Variants in ZNF343 observed in about 807,000 individuals in gnomAD.
The protein encoded by ZNF343 is zinc finger protein 343.
Under a neutral mutation model 13.8 loss-of-function variants are expected in ZNF343, and 11 were observed. The ratio of observed to expected loss-of-function variants is 0.80; its 90% confidence interval spans 0.50 to 1.32. The LOEUF (loss-of-function observed/expected upper bound fraction) is 1.32. ZNF343 is among the 40% of genes most tolerant of loss of function. The pLI is 0.00. For missense variants in ZNF343, 658 were observed against 714.2 expected, an observed-to-expected ratio of 0.92 and a Z score of 0.90; for synonymous variants, 248 against 260.0, an observed-to-expected ratio of 0.95 and a Z score of 0.44.
rs1318593935 is a variant in ZNF343, at chr20:2,508,149, G to C, written c.-237+732C>G. On this transcript the variant is annotated intron_variant, in intron 1 of 5. Transcript: ENST00000278772. The surrounding 1 kb of genome is among the most constrained non-coding windows in gnomAD (Gnocchi z 4.5). The stretch of plus-strand genomic sequence containing the variant: ...AAGAGCTGCCTAGATGCCTGTCAGA[G>C]TGATACAGCCCACCACTATCAGAGG... Among the ~76,000 whole-genome samples, 1 of 152,070 alleles carries C rather than the reference G, an allele frequency of 6.6e-6. No individual in the cohort carries two copies. Among genetic ancestry groups the C allele is most frequent in the African/African-American group, 2.4e-5 (1 of 41,386 alleles).
At chr20:2,507,999 T>G (rs1291643591) in intron 1 of ZNF343, among the ~76,000 whole-genome samples, 8 of 149,936 alleles carry the variant, frequency 5.3e-5, no homozygotes, top group African/African-American at 1.7e-4. Flanking sequence ...AGGAAAGGAG[T>G]CAGCCAGACG....
intron 2 of ZNF343, among the ~76,000 whole-genome samples, chr20:2,498,213 G>A (rs953053607): frequency 2.5e-4 from 38 of 152,106 alleles, no homozygotes; most frequent in African/African-American, 8.2e-4. Context: ...AAAATTAGCC[G>A]GGCGTGGTGG....
intron 2 of ZNF343, among the ~76,000 whole-genome samples, chr20:2,500,120 G>GGGA (rs1466786582): frequency 6.6e-6 from 1 of 151,880 alleles, no homozygotes; most frequent in African/African-American, 2.4e-5. Flanking sequence ...AAAATGAGGA[G>GGGA]GTGGGGGGCT....
chr20:2,485,518 G>A lies in ZNF343; in HGVS notation c.305-862C>T, dbSNP rs147908612. ...AACACTGGAATCTTTATAATCAACT[G>A]TATCTGTCCTTAAAAACTCATCCTA... is the stretch of plus-strand genomic sequence containing the variant. On this transcript the variant is annotated intron_variant, in intron 5 of 5. Transcript: ENST00000278772. Among the ~76,000 whole-genome samples, 318 of 152,284 alleles carry A rather than the reference G, an allele frequency of 2.1e-3. 2 individuals carry two copies. Among genetic ancestry groups the A allele is most frequent in the Middle Eastern group, 0.01 (3 of 292 alleles).
chr20:2,518,083 G>A lies in ZNF343; in HGVS notation c.-347+6372C>T, dbSNP rs191482962. Among the ~76,000 whole-genome samples the A allele has an allele frequency of 5.0e-3, 748 of 149,782 alleles. 4 individuals carry two copies. Among genetic ancestry groups the A allele is most frequent in the African/African-American group, 0.012 (503 of 40,618 alleles). ...GGCTGGAGTGCAGTGGCTCGATCTCGGCTCACTGTAACCTCTGCCTCCCAG... is the reference window on the plus strand; with the variant it reads ...GGCTGGAGTGCAGTGGCTCGATCTCAGCTCACTGTAACCTCTGCCTCCCAG... On this transcript the variant is annotated intron_variant, in intron 1 of 6. Coordinates refer to the ZNF343 transcript ENST00000358413. This position sits in a 1 kb window ranked among gnomAD's most constrained non-coding sequence, Gnocchi z 4.6.
chr20:2,523,363 C>T lies in ZNF343; in HGVS notation c.-347+1092G>A, dbSNP rs369780043. ...ATAGTCAGTCCGGCAGCCCATGCCA[C>T]TGCTATGCCTATGGAGTGGCCACTC... On this transcript the variant is annotated intron_variant, in intron 1 of 6. Coordinates refer to the ZNF343 transcript ENST00000358413. 8.6e-5 allele frequency among the ~76,000 whole-genome samples: 13 copies of T among 151,960 alleles called. No homozygotes were observed. In the East Asian group the frequency reaches 1.2e-3, roughly 14 times the overall value.
At chr20:2,524,708 A>T (rs547818021), upstream of ZNF343, 1 of 152,480 alleles carries the variant, frequency 6.6e-6, no homozygotes, top group East Asian at 1.9e-4. Flanking sequence ...AAAGGAAGCC[A>T]GGTGCAGGGA....
chr20:2,484,789 G>A, intron 5 of ZNF343, 133 bp from the exon 6 acceptor site: 1 of 761,922 alleles, frequency 1.3e-6, no homozygotes, highest in South Asian at 2.2e-5. Flanking sequence ...ATTTGCTTCT[G>A]AACAATGATT....
intron 1 of ZNF343, among the ~76,000 whole-genome samples, chr20:2,502,179 T>C (rs2085578863): frequency 6.6e-6 from 1 of 151,828 alleles, no homozygotes; most frequent in African/African-American, 2.4e-5. Flanking sequence ...CAAGCCTCAG[T>C]AGCCGACTTG....
intron 1 of ZNF343, among the ~76,000 whole-genome samples, chr20:2,505,601 T>C (rs1360104065): frequency 6.6e-6 from 1 of 152,076 alleles, no homozygotes; most frequent in South Asian, 2.1e-4. Flanking sequence ...GAGATATAGA[T>C]CAATGGAACA....
At position 2,502,549 on chromosome 20, in the gene ZNF343, G is replaced by A. The variant is rs531190327; in HGVS notation, c.-236-1807C>T. On this transcript the variant is annotated intron_variant, in intron 1 of 5. Coordinates refer to ENST00000278772, the MANE Select transcript of ZNF343 (RefSeq NM_024325.6). ...GTTGAAATGAAGGAAAAAATGTTAA[G>A]GGCAGCCAGAGAGAAAGGTCGGGTT... Among the ~76,000 whole-genome samples the A allele has an allele frequency of 1.1e-3, 168 of 152,194 alleles. 1 individual carries two copies. The highest frequency in any genetic ancestry group is 1.6e-3 in the Non-Finnish European group (106 of 68,006).
chr20:2,495,677 C>CT (rs2085446711), intron 2 of ZNF343, among the ~76,000 whole-genome samples: 1 of 138,850 alleles, frequency 7.2e-6, no homozygotes, highest in African/African-American at 2.7e-5. Flanking sequence ...TTTTTTTTTT[C>CT]TTTTTTCTTT....
At position 2,500,705 on chromosome 20, in the gene ZNF343, C is replaced by A. The variant is rs896300876; in HGVS notation, c.-199G>T. The A allele has an allele frequency of 6.6e-6, 1 of 152,274 alleles. No individual in the cohort carries two copies. The highest frequency in any genetic ancestry group is 2.1e-4 in the South Asian group (1 of 4,824). 9.4% of individuals were successfully genotyped at this position (152,274 alleles called of 1,614,324 possible). A position where few individuals can be genotyped will look rare whatever the true frequency, so the allele number is the denominator to read the frequency against. ...AGAAGTCTTTCCTTTCTCAAGAGAT[C>A]GTCCTCTCCCAGCAGGCAGGGATTG... On this transcript the variant is annotated 5_prime_UTR_variant, in exon 2 of 6. Coordinates refer to ENST00000278772, the MANE Select transcript of ZNF343 (RefSeq NM_024325.6).
chr20:2,512,474 C>A (rs1329590776), upstream of ZNF343, among the ~76,000 whole-genome samples: 2 of 152,076 alleles, frequency 1.3e-5, no homozygotes, highest in South Asian at 2.1e-4. Flanking sequence ...TAGACATAGA[C>A]CAATGGATAG....
intron 1 of ZNF343, among the ~76,000 whole-genome samples, chr20:2,506,783 C>G (rs1339693542): frequency 6.6e-6 from 1 of 151,888 alleles, no homozygotes; most frequent in Non-Finnish European, 1.5e-5. Flanking sequence ...CATCACACCC[C>G]GGGGCCTGTT....
Position 2,493,764 on chromosome 20 carries a change from T to G in ZNF343, c.118+14A>C. 6.2e-7 allele frequency: 1 copy of G among 1,602,276 alleles called. No individual in the cohort carries two copies. Among genetic ancestry groups the G allele is most frequent in the Non-Finnish European group, 8.6e-7 (1 of 1,169,300 alleles). On this transcript the variant is annotated intron_variant, in intron 3 of 5. Transcript: ENST00000278772. ...CTTCCTCTTCATCCCTCCGGCTCCC[T>G]CAACAATTCTCACCTTTCGCTTTAT...
chr20:2,513,841 A>G (rs541310149), upstream of ZNF343, among the ~76,000 whole-genome samples: 31 of 152,358 alleles, frequency 2.0e-4, no homozygotes, highest in African/African-American at 6.5e-4. Context: ...GAACCTTGAA[A>G]ACATTATGCT....
chr20:2,487,448 CT>C (rs759503721), intron 5 of ZNF343, among the ~76,000 whole-genome samples: 13 of 152,190 alleles, frequency 8.5e-5, no homozygotes, highest in Non-Finnish European at 1.6e-4. Flanking sequence ...TAATTTCTCA[CT>C]TTTAAAAACA....
intron 1 of ZNF343, among the ~76,000 whole-genome samples, chr20:2,514,187 T>C (rs2085749818): frequency 6.6e-6 from 1 of 152,266 alleles, no homozygotes; most frequent in South Asian, 2.1e-4. Context: ...ATTGTGAATG[T>C]ACTGAATGAC....
Sources: allele counts gnomAD v4.1 joint callset (sites outside exome capture counted in the v4.1 genomes callset), GRCh38; gene constraint gnomAD v4.1.1; non-coding constraint Gnocchi (gnomAD v3.1); transcripts MANE v1.5; gene names NCBI Gene and HGNC (gene_info 2026-07-23, HGNC 2026-07-21).